MORC1: variants seen among roughly 807,000 people sequenced by gnomAD.
MORC1 encodes MORC family CW-type zinc finger 1, also known as MORC family CW-type zinc finger protein 1.
MORC1 carries 59 observed loss-of-function variants against 134.9 expected under a neutral mutation model. The ratio of observed to expected loss-of-function variants is 0.44; its 90% CI spans 0.35 to 0.54. MORC1 has a LOEUF of 0.54. Among genes scored for constraint, MORC1 ranks in the 20% least tolerant of loss-of-function variants. MORC1 has a pLI of 0.00. For synonymous variants in MORC1, 395 were observed against 391.7 expected (o/e 1.01, Z -0.10); for missense variants, 947 against 1,134.5 (o/e 0.83, Z 2.37).
chr3:109,010,838 A>T (rs1576629156), intron 17 of MORC1, among the ~76,000 whole-genome samples: 1 of 151,996 alleles, frequency 6.6e-6, no homozygotes, highest in African/African-American at 2.4e-5. Flanking sequence ...TCAAGAGTGC[A>T]CTCCTTCCTG....
chr3:109,007,106 A>C lies in MORC1; in HGVS notation c.1705-15T>G. On this transcript the variant is annotated splice_polypyrimidine_tract_variant and intron_variant, in intron 17 of 27. Coordinates refer to ENST00000232603, the MANE Select transcript of MORC1 (RefSeq NM_014429.4). ...ATAAATTGAGGCTTTATGGGAAAGC[A>C]AACCATTAAGGCAAATGTAAGTAAA... The C allele has an allele frequency of 1.2e-6, 2 of 1,603,184 alleles. No homozygotes were observed. The highest frequency in any genetic ancestry group is 1.7e-6 in the Non-Finnish European group (2 of 1,174,248).
intron 8 of MORC1, among the ~76,000 whole-genome samples, chr3:109,078,353 A>AC (rs1950461152): frequency 6.6e-6 from 1 of 152,058 alleles, no homozygotes; most frequent in East Asian, 1.9e-4. Flanking sequence ...TTCTCTGACC[A>AC]CCATACAATT....
At chr3:109,115,352 CACACACAG>C (rs758945944) in intron 1 of MORC1, among the ~76,000 whole-genome samples, 3,878 of 149,912 alleles carry the variant, frequency 0.026, 90 homozygotes, top group Middle Eastern at 0.11. Context: ...CACACACACA[CACACACAG>C]AGAGAGAGAA....
chr3:108,964,838 C>T (rs1016592749), intron 26 of MORC1, among the ~76,000 whole-genome samples: 8 of 152,152 alleles, frequency 5.3e-5, no homozygotes, highest in Admixed American at 2.6e-4. Context: ...GCAGATAATG[C>T]AGCACTCACA....
intron 25 of MORC1, among the ~76,000 whole-genome samples, chr3:108,970,593 C>A (rs1201385479): frequency 1.3e-5 from 2 of 152,170 alleles, no homozygotes; most frequent in African/African-American, 4.8e-5. Context: ...CTGTTGCATT[C>A]ATAATTTGTG....
At chr3:109,110,423 TA>T (rs1576756462) in intron 3 of MORC1, 3 of 240,686 alleles carry the variant, frequency 1.2e-5, no homozygotes, top group Admixed American at 5.6e-5. Flanking sequence ...GATGTATGCT[TA>T]ATTATGAATA....
chr3:109,069,363 G>A (rs1038971625), intron 9 of MORC1, among the ~76,000 whole-genome samples: 2 of 152,128 alleles, frequency 1.3e-5, no homozygotes, highest in Admixed American at 6.6e-5. Flanking sequence ...CACTGTCATA[G>A]TACCTAAAAT....
intron 23 of MORC1, among the ~76,000 whole-genome samples, chr3:108,981,601 C>T (rs1198956488): frequency 6.6e-6 from 1 of 152,192 alleles, no homozygotes; most frequent in African/African-American, 2.4e-5. Context: ...GGAGATTCCT[C>T]TCTAAACCTC....
chr3:109,073,345 T>C (rs965263847), intron 8 of MORC1, among the ~76,000 whole-genome samples: 6 of 152,206 alleles, frequency 3.9e-5, no homozygotes, highest in African/African-American at 1.4e-4. Flanking sequence ...ATTCAGATTC[T>C]CTGTGGCTGG....
intron 2 of MORC1, among the ~76,000 whole-genome samples, chr3:109,113,060 A>G (rs1951201454): frequency 1.3e-5 from 2 of 152,216 alleles, no homozygotes; most frequent in Admixed American, 1.3e-4. Context: ...TTGGAAAAAT[A>G]GATAAATGTG....
intron 21 of MORC1, among the ~76,000 whole-genome samples, chr3:108,990,422 G>T (rs528030903): frequency 3.3e-5 from 5 of 151,944 alleles, no homozygotes; most frequent in African/African-American, 9.7e-5. Flanking sequence ...CTCCTCTCAC[G>T]TCTTTGGCTT....
At chr3:108,996,281 C>T (rs62272130) in intron 21 of MORC1, among the ~76,000 whole-genome samples, 33 of 68,996 alleles carry the variant, frequency 4.8e-4, no homozygotes, top group African/African-American at 8.4e-4. Flanking sequence ...TGCGTGCGCG[C>T]GCGCGCACAC....
intron 2 of MORC1, among the ~76,000 whole-genome samples, chr3:109,111,565 A>G (rs911281116): frequency 2.0e-5 from 3 of 152,220 alleles, no homozygotes; most frequent in Non-Finnish European, 2.9e-5. Context: ...TTTTAAAAGT[A>G]AAATTTTTAA....
intron 14 of MORC1, among the ~76,000 whole-genome samples, chr3:109,052,188 TA>T (rs1949846582): frequency 6.6e-6 from 1 of 152,184 alleles, no homozygotes; most frequent in South Asian, 2.1e-4. Context: ...ATTTATACCT[TA>T]CACGTTTTCT....
At position 109,057,334 on chromosome 3, in the gene MORC1, C is replaced by T. The variant is rs1949984021; in HGVS notation, c.1175+9G>A. On this transcript the variant is annotated intron_variant, in intron 13 of 27. Transcript: ENST00000232603. ...CTGCTTATATCTCTGAAAGCAAAAA[C>T]ATACTCACAAGGACTTCAGTTTCAA... 1 of 1,602,902 alleles carries T rather than the reference C, an allele frequency of 6.2e-7. No homozygotes were observed. Among genetic ancestry groups the T allele is most frequent in the Non-Finnish European group, 8.5e-7 (1 of 1,175,556 alleles).
intron 14 of MORC1, among the ~76,000 whole-genome samples, chr3:109,043,556 G>A (rs1406212685): frequency 1.3e-5 from 2 of 151,596 alleles, no homozygotes; most frequent in African/African-American, 4.9e-5. Context: ...TGGTTAAGAT[G>A]GTAAATTTCA....
intron 21 of MORC1, among the ~76,000 whole-genome samples, chr3:108,987,872 C>CA (rs1947937961): frequency 6.6e-6 from 1 of 151,734 alleles, no homozygotes; most frequent in Non-Finnish European, 1.5e-5. Flanking sequence ...GAGGAACAGG[C>CA]AGTTATGAAA....
At chr3:109,044,209 T>C (rs1559915952) in intron 14 of MORC1, among the ~76,000 whole-genome samples, 2 of 152,206 alleles carry the variant, frequency 1.3e-5, no homozygotes, top group Non-Finnish European at 2.9e-5. Context: ...AATACTTTAT[T>C]CAGTAGATTC....
Position 109,118,002 on chromosome 3 carries a change from C to A in MORC1, c.58G>T (p.Ala20Ser). ...RAQLRLDFIH[A>S]NSTTHSFLFG... ...CCCCACCTCGGCACTCACGAGTTGG[C>A]GTGGATGAAATCCAGACGCAGCTGG... is the stretch of plus-strand genomic sequence containing the variant. Residue 20 changes from alanine to serine, a missense_variant, in exon 1 of 28, where the codon GCC becomes TCC. Around this residue, in one of 3 missense-constraint regions of MORC1, gnomAD observed 214 missense variants for 281.3 expected, o/e 0.76. Coordinates refer to ENST00000232603, the MANE Select transcript of MORC1 (RefSeq NM_014429.4). The A allele has an allele frequency of 6.2e-7, 1 of 1,603,826 alleles. No individual in the cohort carries two copies. Among genetic ancestry groups the A allele is most frequent in the East Asian group, 2.3e-5 (1 of 44,394 alleles).
Sources: gnomAD v4.1 joint callset for allele counts (sites outside exome capture counted in the v4.1 genomes callset) on GRCh38, gnomAD v4.1.1 for gene constraint, gnomAD v4.1.1 regional missense constraint, MANE v1.5 for transcripts, NCBI Gene and HGNC (gene_info 2026-07-23, HGNC 2026-07-21) for gene names.